OSBPL9: variants seen among roughly 807,000 people sequenced by gnomAD.
OSBPL9 encodes oxysterol-binding protein-related protein 9.
Under a neutral mutation model 106.6 loss-of-function variants are expected in OSBPL9, and 40 were observed. That is an observed-to-expected ratio of 0.38 (90% CI 0.29 to 0.49). OSBPL9 has a LOEUF of 0.49. Ranked by LOEUF, OSBPL9 falls within the 20% of genes least tolerant of loss-of-function variation. OSBPL9 has a pLI of 0.97. For missense variants in OSBPL9, 609 were observed against 887.2 expected, an observed-to-expected ratio of 0.69 and a Z score of 3.98; for synonymous variants, 269 against 295.4, an observed-to-expected ratio of 0.91 and a Z score of 0.92.
At chr1:51,625,688 A>G (rs1644726474) in intron 1 of OSBPL9, among the ~76,000 whole-genome samples, 1 of 151,964 alleles carries the variant, frequency 6.6e-6, no homozygotes, top group African/African-American at 2.4e-5. Flanking sequence ...CACACTGGCT[A>G]ACTTTTTGTA....
intron 2 of OSBPL9, among the ~76,000 whole-genome samples, chr1:51,601,898 G>C (rs933091358): frequency 4.6e-5 from 7 of 151,778 alleles, no homozygotes; most frequent in African/African-American, 1.7e-4. Context: ...AGAACTTGCT[G>C]TCTAAATGGT....
chr1:51,622,289 A>G (rs1279297714), intron 1 of OSBPL9, among the ~76,000 whole-genome samples: 2 of 152,212 alleles, frequency 1.3e-5, no homozygotes, highest in African/African-American at 4.8e-5. Context: ...CTTATCAGTC[A>G]GTAAAACATA....
chr1:51,673,851 A>T (rs909195257), intron 3 of OSBPL9, among the ~76,000 whole-genome samples: 2 of 151,698 alleles, frequency 1.3e-5, no homozygotes, highest in Non-Finnish European at 2.9e-5. Context: ...ACTGCACTCC[A>T]GCCTGGGCAA....
intron 3 of OSBPL9, among the ~76,000 whole-genome samples, chr1:51,682,028 C>G (rs940915466): frequency 1.3e-5 from 2 of 151,900 alleles, no homozygotes; most frequent in Admixed American, 1.3e-4. Context: ...ATGGCAAAAC[C>G]CTGTCTCTAC....
At chr1:51,662,194 G>A (rs905473836) in intron 2 of OSBPL9, among the ~76,000 whole-genome samples, 1 of 152,268 alleles carries the variant, frequency 6.6e-6, no homozygotes, top group South Asian at 2.1e-4. Flanking sequence ...TTGACTAAAA[G>A]GGAATGAGAG....
At chr1:51,764,687 A>T (rs1406165569) in intron 11 of OSBPL9, among the ~76,000 whole-genome samples, 1 of 151,644 alleles carries the variant, frequency 6.6e-6, no homozygotes, top group Non-Finnish European at 1.5e-5. Flanking sequence ...AGATTAAGTG[A>T]TCCTGCCCCA....
the OSBPL9 span, among the ~76,000 whole-genome samples, chr1:51,552,327 TTAA>T: frequency 6.6e-6 from 1 of 152,154 alleles, no homozygotes; most frequent in Non-Finnish European, 1.5e-5. Flanking sequence ...AATGTATGGT[TTAA>T]TAATAATAGC....
At chr1:51,659,003 C>T (rs778442962) in intron 2 of OSBPL9, among the ~76,000 whole-genome samples, 1 of 151,982 alleles carries the variant, frequency 6.6e-6, no homozygotes, top group African/African-American at 2.4e-5. Context: ...TATTTAATCT[C>T]TGTGATTGGT....
At chr1:51,611,203 C>T (rs1481167804) in intron 2 of OSBPL9, among the ~76,000 whole-genome samples, 2 of 151,402 alleles carry the variant, frequency 1.3e-5, no homozygotes, top group Non-Finnish European at 2.9e-5. Context: ...TTTTCCTAAA[C>T]TTGATGTTTC....
the OSBPL9 span, among the ~76,000 whole-genome samples, chr1:51,559,839 A>C: frequency 6.6e-6 from 1 of 150,436 alleles, no homozygotes; most frequent in Non-Finnish European, 1.5e-5. Flanking sequence ...AGTTCTCCTT[A>C]TGTATTAAAA....
rs368709933 is a variant in OSBPL9, at chr1:51,667,856, C to G, written c.163-1578C>G. Among the ~76,000 whole-genome samples, 140 of 152,236 alleles carry G rather than the reference C, an allele frequency of 9.2e-4. 1 individual carries two copies. The highest frequency in any genetic ancestry group is 3.3e-3 in the African/African-American group (138 of 41,532). ...TGTTAAGGCTTTGTGTGACCTTGGG[C>G]AAGTCATTATACTCTCTGGAGACAC... On this transcript the variant is annotated intron_variant, in intron 2 of 23. Transcript: ENST00000428468.
chr1:51,637,312 G>A (rs972169824), intron 1 of OSBPL9, among the ~76,000 whole-genome samples: 10 of 152,092 alleles, frequency 6.6e-5, no homozygotes, highest in Non-Finnish European at 1.3e-4. Flanking sequence ...CTAACATGGT[G>A]AATCACCGTC....
At chr1:51,772,580 T>A in intron 13 of OSBPL9, 25 bp from the exon 14 acceptor site, 1 of 1,559,852 alleles carries the variant, frequency 6.4e-7, no homozygotes, top group Non-Finnish European at 8.8e-7. Flanking sequence ...TTAGCACCAT[T>A]CTAATAAGAT....
chr1:51,710,019 C>A (rs971386526), intron 3 of OSBPL9: 2 of 152,172 alleles, frequency 1.3e-5, no homozygotes, highest in Non-Finnish European at 2.9e-5. Flanking sequence ...AGATTATGGA[C>A]CTTCAAGAAA....
intron 2 of OSBPL9, among the ~76,000 whole-genome samples, chr1:51,609,507 CTTT>C (rs77430161): frequency 1.5e-5 from 2 of 133,390 alleles, no homozygotes; most frequent in African/African-American, 2.8e-5. Flanking sequence ...CCATGCCTGG[CTTT>C]TTTTTTTTTT....
At chr1:51,527,326 GA>G in the OSBPL9 span, among the ~76,000 whole-genome samples, 1 of 132,196 alleles carries the variant, frequency 7.6e-6, no homozygotes, top group Non-Finnish European at 1.6e-5. Context: ...ATCCAATGAT[GA>G]TGGTGATGAT....
At chr1:51,782,457 G>GC in intron 16 of OSBPL9, 102 bp from the exon 17 acceptor site, 1 of 792,310 alleles carries the variant, frequency 1.3e-6, no homozygotes, top group Admixed American at 2.5e-5. Flanking sequence ...TATATAGGGT[G>GC]CTTGGTGTGT....
chr1:51,654,559 C>T (rs1347406934), intron 2 of OSBPL9, among the ~76,000 whole-genome samples: 1 of 151,924 alleles, frequency 6.6e-6, no homozygotes, highest in Non-Finnish European at 1.5e-5. Flanking sequence ...CTTATATATC[C>T]ATGTTCATAG....
chr1:51,607,586 T>C (rs1643958021), intron 2 of OSBPL9, among the ~76,000 whole-genome samples: 1 of 152,332 alleles, frequency 6.6e-6, no homozygotes, highest in East Asian at 1.9e-4. Flanking sequence ...AGCTCTCTTA[T>C]TCCCACTAAG....
Sources: allele counts gnomAD v4.1 joint callset (sites outside exome capture counted in the v4.1 genomes callset), GRCh38; gene constraint gnomAD v4.1.1; transcripts MANE v1.5; gene names NCBI Gene and HGNC (gene_info 2026-07-23, HGNC 2026-07-21).